Variants in PPARA observed in about 807,000 individuals in gnomAD.
PPARA encodes the protein peroxisome proliferator activated receptor alpha.
In PPARA, 22 loss-of-function variants were observed where a neutral mutation model predicts 42.2. The ratio of observed to expected loss-of-function variants is 0.52; its 90% CI spans 0.37 to 0.74. The LOEUF is 0.74. PPARA is among the 30% of genes least tolerant of loss of function. The pLI is 0.00. For synonymous variants in PPARA, 242 were observed against 239.3 expected, an observed-to-expected ratio of 1.01 and a Z score of -0.10; for missense variants, 465 against 608.2, an observed-to-expected ratio of 0.76 and a Z score of 2.48.
intron 2 of PPARA, among the ~76,000 whole-genome samples, chr22:46,174,535 G>A (rs1928711566): frequency 6.6e-6 from 1 of 152,098 alleles, no homozygotes; most frequent in African/African-American, 2.4e-5. Context: ...TACCACTGTT[G>A]GCCAGACATA....
Position 46,211,112 on chromosome 22 carries a change from C to T in PPARA, c.209-4061C>T, listed in dbSNP as rs1469344771. On this transcript the variant is annotated intron_variant, in intron 4 of 8. Transcript: ENST00000407236. This position sits in a 1 kb window ranked among gnomAD's most constrained non-coding sequence, Gnocchi z 4.1. ...ATCCCTTTTTCAGGCTCTCAGCTGG[C>T]AGAGCAAATACATATATGTATACAT... Among the ~76,000 whole-genome samples, 1 of 152,150 alleles carries T rather than the reference C, an allele frequency of 6.6e-6. No homozygotes were observed. The highest frequency in any genetic ancestry group is 2.1e-4 in the South Asian group (1 of 4,826).
rs568643709 is a variant in PPARA, at chr22:46,211,717, G to T, written c.209-3456G>T. ...TCTTGCTTTCTCGCCTTCTTGTCTT[G>T]CTCTGTCACCCAGGCTGGAGTGCAG... On this transcript the variant is annotated intron_variant, in intron 4 of 8. Transcript: ENST00000407236. This position sits in a 1 kb window ranked among gnomAD's most constrained non-coding sequence, Gnocchi z 4.1. 6.6e-6 allele frequency among the ~76,000 whole-genome samples: 1 copy of T among 151,688 alleles called. No individual in the cohort carries two copies. The highest frequency in any genetic ancestry group is 2.4e-5 in the African/African-American group (1 of 41,254).
rs888129457 is a variant in PPARA, at chr22:46,191,267, G to T, written c.-42-7075G>T. Reference sequence around the variant, plus strand: ...CAAGAACCTCATGTCCAATACAAGGGTGCACACGTGGGTGAGACACGGCAG... The same window carrying T: ...CAAGAACCTCATGTCCAATACAAGGTTGCACACGTGGGTGAGACACGGCAG... On this transcript the variant is annotated intron_variant, in intron 3 of 8. Coordinates refer to ENST00000407236, the MANE Select transcript of PPARA (RefSeq NM_005036.6). The surrounding 1 kb of genome is among the most constrained non-coding windows in gnomAD (Gnocchi z 4.6). Among the ~76,000 whole-genome samples, 2 of 152,170 alleles carry T rather than the reference G, an allele frequency of 1.3e-5. No homozygotes were observed. The highest frequency in any genetic ancestry group is 2.9e-5 in the Non-Finnish European group (2 of 68,040).
At chr22:46,205,537 TATATATATATATATA>T (rs1316858923) in intron 4 of PPARA, among the ~76,000 whole-genome samples, 212 of 35,056 alleles carry the variant, frequency 6.0e-3, no homozygotes, top group Middle Eastern at 8.3e-3. Flanking sequence ...TATATATATA[TATATATATATATATA>T]TATTTTTTTT....
chr22:46,200,487 A>G lies in PPARA; in HGVS notation c.208+1896A>G, dbSNP rs1264130041. ...TGTGCGTCTAAACATACCAAAACAT[A>G]TAGTAGAAAAGGTTACAGCAAAAAT... On this transcript the variant is annotated intron_variant, in intron 4 of 8. Coordinates refer to ENST00000407236, the MANE Select transcript of PPARA (RefSeq NM_005036.6). This position sits in a 1 kb window ranked among gnomAD's most constrained non-coding sequence, Gnocchi z 4.8. Among the ~76,000 whole-genome samples the G allele has an allele frequency of 1.3e-5, 2 of 152,264 alleles. No individual in the cohort carries two copies. The highest frequency in any genetic ancestry group is 2.4e-5 in the African/African-American group (1 of 41,476).
intron 6 of PPARA, 107 bp downstream of exon 6, chr22:46,218,508 C>T: frequency 6.5e-7 from 1 of 1,545,196 alleles, no homozygotes; most frequent in Non-Finnish European, 8.9e-7. Flanking sequence ...ACATTTCACA[C>T]CCAAGTCATT....
In PPARA at chr22:46,150,846, G is replaced by C. The variant is rs374691215; in HGVS notation, c.-210+194G>C. On this transcript the variant is annotated intron_variant, in intron 1 of 8. Coordinates refer to ENST00000407236, the MANE Select transcript of PPARA (RefSeq NM_005036.6). The surrounding 1 kb of genome is among the most constrained non-coding windows in gnomAD (Gnocchi z 7.5). ...GCCCGGGGTGCGCGGCTGGGGACCT[G>C]AGGGCGAGGAGCGAGGACACACACC... is the stretch of plus-strand genomic sequence containing the variant. 1 of 152,032 alleles carries C rather than the reference G, an allele frequency of 6.6e-6. No individual in the cohort carries two copies. The highest frequency in any genetic ancestry group is 2.0e-4 in the East Asian group (1 of 5,128). 9.4% of individuals were successfully genotyped at this position (152,032 alleles called of 1,614,324 possible). A position where few individuals can be genotyped will look rare whatever the true frequency, so the allele number is the denominator to read the frequency against.
intron 3 of PPARA, among the ~76,000 whole-genome samples, chr22:46,185,119 G>A (rs902548981): frequency 1.3e-5 from 2 of 152,008 alleles, no homozygotes; most frequent in African/African-American, 2.4e-5. Flanking sequence ...CCTGCTCTTC[G>A]GAGCTCCTGT....
intron 7 of PPARA, among the ~76,000 whole-genome samples, chr22:46,229,735 A>G (rs1935738971): frequency 6.6e-6 from 1 of 152,214 alleles, no homozygotes; most frequent in African/African-American, 2.4e-5. Context: ...GAGATTATTT[A>G]GAAACTTGGC....
At chr22:46,151,738 C>T (rs1458962055) in intron 1 of PPARA, 150 bp from the exon 2 acceptor site, 1 of 152,242 alleles carries the variant, frequency 6.6e-6, no homozygotes, top group African/African-American at 2.4e-5. Flanking sequence ...TGGGTCAGGG[C>T]AAGGACACGG....
In PPARA at chr22:46,203,951, CTCTG is replaced by C. The variant is rs138493217; in HGVS notation, c.208+5367_208+5370del. On this transcript the variant is annotated intron_variant, in intron 4 of 8. Coordinates refer to ENST00000407236, the MANE Select transcript of PPARA (RefSeq NM_005036.6). This position sits in a 1 kb window ranked among gnomAD's most constrained non-coding sequence, Gnocchi z 5.8. The stretch of plus-strand genomic sequence containing the variant: ...TGCCTCCTGCATCTATCAGTAGTGC[CTCTG>C]TCTGTCACCCCTAAAGTTTACTTGT... 6.5e-3 allele frequency among the ~76,000 whole-genome samples: 996 copies of C among 152,344 alleles called. 12 individuals carry two copies. Among genetic ancestry groups the C allele is most frequent in the African/African-American group, 0.02 (845 of 41,586 alleles).
chr22:46,172,329 A>AAC (rs1482298499), intron 2 of PPARA, among the ~76,000 whole-genome samples: 1 of 151,700 alleles, frequency 6.6e-6, no homozygotes, highest in Non-Finnish European at 1.5e-5. Flanking sequence ...AAAAAAAAAA[A>AAC]AAAAAAAAAA....
intron 2 of PPARA, chr22:46,155,011 AAAAAAAAAAAAAAAAAC>A (rs1569179549): frequency 4.1e-5 from 6 of 145,778 alleles, no homozygotes; most frequent in Non-Finnish European, 4.5e-5. Flanking sequence ...AAAAAAAAAA[AAAAAAAAAAAAAAAAAC>A]CACATTAATT....
At position 46,220,017 on chromosome 22, in the gene PPARA, A is replaced by G. The variant is rs760682460; in HGVS notation, c.711+3A>G. Reference sequence around the variant, plus strand: ...CAGGAAAGGCCAGTAACAATCCAGTAGGTGTTTGCGGCTGTTCTGGGTTCT... The same window carrying G: ...CAGGAAAGGCCAGTAACAATCCAGTGGGTGTTTGCGGCTGTTCTGGGTTCT... On this transcript the variant is annotated splice_donor_region_variant and intron_variant, in intron 7 of 8. Transcript: ENST00000407236. The G allele has an allele frequency of 6.2e-7, 1 of 1,613,918 alleles. No individual in the cohort carries two copies. Among genetic ancestry groups the G allele is most frequent in the Non-Finnish European group, 8.5e-7 (1 of 1,180,024 alleles).
rs1931440277 is a variant in PPARA, at chr22:46,190,837, T to A, written c.-42-7505T>A. Among the ~76,000 whole-genome samples the A allele has an allele frequency of 6.6e-6, 1 of 152,214 alleles. No homozygotes were observed. Among genetic ancestry groups the A allele is most frequent in the Non-Finnish European group, 1.5e-5 (1 of 68,040 alleles). On this transcript the variant is annotated intron_variant, in intron 3 of 8. Transcript: ENST00000407236. The surrounding 1 kb of genome is among the most constrained non-coding windows in gnomAD (Gnocchi z 5.6). ...TGTCTGATCACATAGAATATAAAGA[T>A]GTTTTGATAGTTGGGACAGTATTCA...
In PPARA at chr22:46,227,309, T is replaced by A. The variant is rs1935535224; in HGVS notation, c.712-4483T>A. ...CTCTCTTGCCCAGGCTGGAGTGCAG[T>A]GGCGCAATCTCAGCTCACTGCAACC... On this transcript the variant is annotated intron_variant, in intron 7 of 8. Coordinates refer to ENST00000407236, the MANE Select transcript of PPARA (RefSeq NM_005036.6). This position sits in a 1 kb window ranked among gnomAD's most constrained non-coding sequence, Gnocchi z 4.3. Among the ~76,000 whole-genome samples, 1 of 152,290 alleles carries A rather than the reference T, an allele frequency of 6.6e-6. No homozygotes were observed. The highest frequency in any genetic ancestry group is 6.5e-5 in the Admixed American group (1 of 15,290).
In PPARA at chr22:46,216,833, G is replaced by C. The variant is rs1472646956; in HGVS notation, c.370-1430G>C. Among the ~76,000 whole-genome samples, 1 of 152,240 alleles carries C rather than the reference G, an allele frequency of 6.6e-6. No homozygotes were observed. The highest frequency in any genetic ancestry group is 1.5e-5 in the Non-Finnish European group (1 of 68,050). On this transcript the variant is annotated intron_variant, in intron 5 of 8. Coordinates refer to ENST00000407236, the MANE Select transcript of PPARA (RefSeq NM_005036.6). This position sits in a 1 kb window ranked among gnomAD's most constrained non-coding sequence, Gnocchi z 4.5. ...CAGCGTGGTGATGAGGAGAGCTCCT[G>C]TAGCAGCGTCCCTTTAGGGTTGCAC...
Position 46,221,229 on chromosome 22 carries a change from G to T in PPARA, c.711+1215G>T, listed in dbSNP as rs1247003151. 1.3e-5 allele frequency among the ~76,000 whole-genome samples: 2 copies of T among 152,150 alleles called. No individual in the cohort carries two copies. Among genetic ancestry groups the T allele is most frequent in the African/African-American group, 4.8e-5 (2 of 41,442 alleles). ...CGCTATCACTAGAGTAGCACCAAGA[G>T]GATGGTGCTAAACCATTCATGAAGG... On this transcript the variant is annotated intron_variant, in intron 7 of 8. Coordinates refer to ENST00000407236, the MANE Select transcript of PPARA (RefSeq NM_005036.6). The surrounding 1 kb of genome is among the most constrained non-coding windows in gnomAD (Gnocchi z 5.9).
At chr22:46,205,277 C>T (rs1933118938) in intron 4 of PPARA, among the ~76,000 whole-genome samples, 2 of 147,666 alleles carry the variant, frequency 1.4e-5, no homozygotes, top group Non-Finnish European at 3.0e-5. Context: ...AGTTCAGTGG[C>T]ATGATCTCAG....
Sources: gnomAD v4.1 joint callset for allele counts (sites outside exome capture counted in the v4.1 genomes callset) on GRCh38, gnomAD v4.1.1 for gene constraint, Gnocchi (gnomAD v3.1) non-coding constraint, MANE v1.5 for transcripts, NCBI Gene and HGNC (gene_info 2026-07-23, HGNC 2026-07-21) for gene names.